BRINP3: variants seen among roughly 807,000 people sequenced by gnomAD.
The protein encoded by BRINP3 is BMP/retinoic acid-inducible neural-specific protein 3.
In BRINP3, 19 loss-of-function variants were observed where a neutral mutation model predicts 71.0. The ratio of observed to expected loss-of-function variants is 0.27; its 90% CI spans 0.19 to 0.39. BRINP3 has a LOEUF of 0.39. Among genes scored for constraint, BRINP3 ranks in the 10% least tolerant of loss-of-function variants. BRINP3 has a pLI of 1.00. For missense variants in BRINP3, 959 were observed against 940.8 expected (o/e 1.02, Z -0.25); for synonymous variants, 380 against 337.7 (o/e 1.13, Z -1.37).
In BRINP3 at chr1:190,428,613, A is replaced by G. The variant is rs1673883089; in HGVS notation, c.236+26042T>C. Among the ~76,000 whole-genome samples, 3 of 152,104 alleles carry G rather than the reference A, an allele frequency of 2.0e-5. No individual in the cohort carries two copies. In the South Asian group the frequency reaches 6.2e-4, roughly 32 times the overall value. ...AATTATTCTTTCAATTACTTCCATC[A>G]GCTATTTCCCAGTTATTCATTCTTT... On this transcript the variant is annotated intron_variant, in intron 2 of 7. Coordinates refer to ENST00000367462, the MANE Select transcript of BRINP3 (RefSeq NM_199051.3).
At chr1:190,342,820 A>G (rs1375222048) in intron 2 of BRINP3, 1 of 151,860 alleles carries the variant, frequency 6.6e-6, no homozygotes, top group Non-Finnish European at 1.5e-5. Flanking sequence ...AAAAAAATGA[A>G]TAAATATAGA....
chr1:190,145,645 C>T (rs1008855203), intron 7 of BRINP3, among the ~76,000 whole-genome samples: 7 of 152,132 alleles, frequency 4.6e-5, no homozygotes, highest in Non-Finnish European at 8.8e-5. Context: ...AGTAGACCTA[C>T]CATTCAATCC....
chr1:190,326,190 CT>C (rs1035652677), intron 2 of BRINP3, among the ~76,000 whole-genome samples: 3 of 152,028 alleles, frequency 2.0e-5, no homozygotes, highest in African/African-American at 7.2e-5. Flanking sequence ...CATTTCTGCA[CT>C]TGGAAGTCAG....
chr1:190,345,957 T>C (rs963162404), intron 2 of BRINP3, among the ~76,000 whole-genome samples: 3 of 151,922 alleles, frequency 2.0e-5, no homozygotes, highest in Admixed American at 6.6e-5. Context: ...TTTTAAAATG[T>C]CTATATTTAA....
chr1:190,313,677 T>G (rs1457918511), intron 2 of BRINP3, among the ~76,000 whole-genome samples: 2 of 152,122 alleles, frequency 1.3e-5, no homozygotes, highest in East Asian at 3.9e-4. Flanking sequence ...ATTATCTTGT[T>G]TTATCCTCAA....
chr1:190,292,724 G>C (rs1012645697), intron 2 of BRINP3, among the ~76,000 whole-genome samples: 1 of 151,928 alleles, frequency 6.6e-6, no homozygotes, highest in African/African-American at 2.4e-5. Flanking sequence ...TTTAATCTTT[G>C]TACTCACTAT....
intron 6 of BRINP3, among the ~76,000 whole-genome samples, chr1:190,216,224 T>C (rs1558073636): frequency 6.6e-6 from 1 of 151,780 alleles, no homozygotes; most frequent in Admixed American, 6.6e-5. Flanking sequence ...TGGGTAGACA[T>C]TGTCTAAGTA....
intron 7 of BRINP3, among the ~76,000 whole-genome samples, chr1:190,151,589 G>C (rs1656399459): frequency 6.6e-6 from 1 of 152,104 alleles, no homozygotes; most frequent in Non-Finnish European, 1.5e-5. Flanking sequence ...CAGAAATAAA[G>C]GTTATAAGAA....
At chr1:190,258,496 A>G (rs1660878347) in intron 4 of BRINP3, among the ~76,000 whole-genome samples, 1 of 152,218 alleles carries the variant, frequency 6.6e-6, no homozygotes, top group African/African-American at 2.4e-5. Context: ...AAGTTGAAAA[A>G]AAAGTTTACC....
At chr1:190,402,507 C>T (rs1671996384) in intron 2 of BRINP3, among the ~76,000 whole-genome samples, 1 of 152,222 alleles carries the variant, frequency 6.6e-6, no homozygotes, top group South Asian at 2.1e-4. Context: ...TACAAGGTAT[C>T]TTCAATGTAG....
chr1:190,474,059 A>C (rs1440926642), intron 1 of BRINP3, among the ~76,000 whole-genome samples: 3 of 152,168 alleles, frequency 2.0e-5, no homozygotes, highest in Non-Finnish European at 4.4e-5. Context: ...AAGAAGAAGC[A>C]ATGTTTTTAA....
chr1:190,219,178 C>G (rs1432973118), intron 6 of BRINP3, among the ~76,000 whole-genome samples: 2 of 151,984 alleles, frequency 1.3e-5, no homozygotes, highest in African/African-American at 4.8e-5. Flanking sequence ...AATAATTAAT[C>G]CTTCAATGCA....
At chr1:190,363,952 T>G (rs1288382516) in intron 2 of BRINP3, among the ~76,000 whole-genome samples, 1 of 152,034 alleles carries the variant, frequency 6.6e-6, no homozygotes, top group Non-Finnish European at 1.5e-5. Flanking sequence ...CAAATTAAAT[T>G]TTGGAAATGC....
chr1:190,444,431 A>C (rs1000184322), intron 2 of BRINP3, among the ~76,000 whole-genome samples: 4 of 151,744 alleles, frequency 2.6e-5, no homozygotes, highest in Non-Finnish European at 4.4e-5. Context: ...ACCAATAATC[A>C]GTTATTAGCT....
At chr1:190,397,211 C>T (rs889841988) in intron 2 of BRINP3, among the ~76,000 whole-genome samples, 3 of 151,958 alleles carry the variant, frequency 2.0e-5, no homozygotes, top group African/African-American at 7.2e-5. Context: ...GACTTCTGGC[C>T]TTTTGCATAC....
intron 2 of BRINP3, among the ~76,000 whole-genome samples, chr1:190,431,698 T>C (rs1674109906): frequency 6.6e-6 from 1 of 152,082 alleles, no homozygotes; most frequent in South Asian, 2.1e-4. Flanking sequence ...CTGAAAAATG[T>C]GAAGATTTCA....
intron 4 of BRINP3, among the ~76,000 whole-genome samples, 161 bp downstream of exon 4, chr1:190,264,704 A>C (rs1190415020): frequency 6.6e-6 from 1 of 152,212 alleles, no homozygotes; most frequent in Non-Finnish European, 1.5e-5. Context: ...ATACAATTTC[A>C]TCTTAAATAT....
At chr1:190,227,684 T>C (rs1657530600) in intron 5 of BRINP3, among the ~76,000 whole-genome samples, 1 of 151,912 alleles carries the variant, frequency 6.6e-6, no homozygotes, top group Non-Finnish European at 1.5e-5. Context: ...GTTTTCAATA[T>C]TGAGTGACTG....
chr1:190,247,463 CAGA>C, intron 4 of BRINP3, among the ~76,000 whole-genome samples: 1 of 151,896 alleles, frequency 6.6e-6, no homozygotes, highest in East Asian at 1.9e-4. Context: ...AATAACTGCA[CAGA>C]AGAATTGCAT....
Sources: gnomAD v4.1 joint callset for allele counts (sites outside exome capture counted in the v4.1 genomes callset) on GRCh38, gnomAD v4.1.1 for gene constraint, MANE v1.5 for transcripts, NCBI Gene and HGNC (gene_info 2026-07-23, HGNC 2026-07-21) for gene names.